Variants in PRKG1 observed in about 807,000 individuals in gnomAD.
PRKG1 encodes the protein cGMP-dependent protein kinase 1.
Under a neutral mutation model 88.1 loss-of-function variants are expected in PRKG1, and 35 were observed. The ratio of observed to expected loss-of-function variants is 0.40; its 90% CI spans 0.30 to 0.53. The LOEUF (loss-of-function observed/expected upper bound fraction) is 0.53. Among genes scored for constraint, PRKG1 ranks in the 20% least tolerant of loss-of-function variants. The pLI is 0.59. For synonymous variants in PRKG1, 303 were observed against 292.5 expected, an observed-to-expected ratio of 1.04 and a Z score of -0.37; for missense variants, 540 against 839.8, an observed-to-expected ratio of 0.64 and a Z score of 4.41.
intron 5 of PRKG1, among the ~76,000 whole-genome samples, chr10:51,933,127 C>G (rs1000200892): frequency 5.3e-5 from 8 of 152,060 alleles, no homozygotes; most frequent in Non-Finnish European, 1.0e-4. Flanking sequence ...GCGGACTATA[C>G]TGTGTTTCCT....
At chr10:51,227,875 G>A (rs1480831387) in intron 2 of PRKG1, among the ~76,000 whole-genome samples, 2 of 152,116 alleles carry the variant, frequency 1.3e-5, no homozygotes, top group African/African-American at 2.4e-5. Context: ...ATCAAGTAAG[G>A]GCCTTGAGTG....
intron 3 of PRKG1, among the ~76,000 whole-genome samples, chr10:51,733,710 C>G (rs562630064): frequency 1.3e-5 from 2 of 152,216 alleles, no homozygotes; most frequent in African/African-American, 4.8e-5. Flanking sequence ...CAATACTGAG[C>G]TCGGCCATAA....
At chr10:51,346,706 T>C (rs1842121088) in intron 2 of PRKG1, among the ~76,000 whole-genome samples, 1 of 152,240 alleles carries the variant, frequency 6.6e-6, no homozygotes, top group South Asian at 2.1e-4. Flanking sequence ...GACATTTCCT[T>C]CATGAGTATA....
At chr10:51,593,969 C>A (rs1838377136) in intron 3 of PRKG1, among the ~76,000 whole-genome samples, 1 of 152,032 alleles carries the variant, frequency 6.6e-6, no homozygotes, top group Non-Finnish European at 1.5e-5. Flanking sequence ...AGGTAATCTA[C>A]CCGCCCTTGG....
intron 1 of PRKG1, among the ~76,000 whole-genome samples, chr10:51,032,556 C>T (rs181913965): frequency 7.9e-5 from 12 of 152,152 alleles, no homozygotes; most frequent in African/African-American, 2.6e-4. Flanking sequence ...GTCAGGAGTT[C>T]GAGACCATCC....
At chr10:51,586,516 A>T (rs1481225323) in intron 3 of PRKG1, among the ~76,000 whole-genome samples, 1 of 152,136 alleles carries the variant, frequency 6.6e-6, no homozygotes, top group Admixed American at 6.6e-5. Flanking sequence ...TCCTGCAATG[A>T]TAGAATTTCC....
chr10:51,424,204 A>G (rs1393875900), intron 2 of PRKG1, among the ~76,000 whole-genome samples: 1 of 152,140 alleles, frequency 6.6e-6, no homozygotes, highest in African/African-American at 2.4e-5. Context: ...TCACATAGCT[A>G]TCTTTAAACC....
chr10:51,964,673 G>A (rs1322890047), intron 5 of PRKG1, among the ~76,000 whole-genome samples: 1 of 152,010 alleles, frequency 6.6e-6, no homozygotes, highest in African/African-American at 2.4e-5. Flanking sequence ...AATTTTATAG[G>A]TACACACACG....
At chr10:52,125,630 A>G (rs563653533) in intron 7 of PRKG1, 1 of 152,252 alleles carries the variant, frequency 6.6e-6, no homozygotes, top group Non-Finnish European at 1.5e-5. Flanking sequence ...TGCCTTTCCT[A>G]TCTTAACTAA....
chr10:51,848,826 C>A (rs1280849386), intron 4 of PRKG1, among the ~76,000 whole-genome samples: 4 of 150,910 alleles, frequency 2.7e-5, no homozygotes, highest in Non-Finnish European at 5.9e-5. Context: ...TTTCCTTAAG[C>A]AAAGAGTCTA....
intron 2 of PRKG1, among the ~76,000 whole-genome samples, chr10:51,433,512 A>T (rs1838831302): frequency 1.3e-5 from 2 of 152,112 alleles, no homozygotes; most frequent in Admixed American, 1.3e-4. Flanking sequence ...AAATAAAACC[A>T]CATGAAAGGA....
intron 4 of PRKG1, among the ~76,000 whole-genome samples, chr10:51,812,154 C>T (rs1394275515): frequency 6.6e-6 from 1 of 152,150 alleles, no homozygotes. Flanking sequence ...ACAATCAACA[C>T]ATTTTTGCCA....
chr10:51,823,830 G>T (rs866033309), intron 4 of PRKG1, among the ~76,000 whole-genome samples: 25 of 128,396 alleles, frequency 1.9e-4, no homozygotes, highest in Middle Eastern at 9.6e-3. Context: ...CAGATAAATT[G>T]TTGGTAATAT....
intron 3 of PRKG1, among the ~76,000 whole-genome samples, chr10:51,599,156 G>A (rs7906730): frequency 0.072 from 10,894 of 152,182 alleles, 1,280 homozygotes; most frequent in African/African-American, 0.25. Flanking sequence ...GATGAAACAA[G>A]AGTGTCAACC....
intron 2 of PRKG1, among the ~76,000 whole-genome samples, chr10:51,433,016 T>C (rs1047044904): frequency 6.6e-6 from 1 of 152,122 alleles, no homozygotes; most frequent in Admixed American, 6.6e-5. Context: ...GGACATTTTC[T>C]AAAAATAAAA....
intron 3 of PRKG1, among the ~76,000 whole-genome samples, chr10:51,743,078 A>G (rs1176690878): frequency 2.0e-5 from 3 of 152,128 alleles, no homozygotes; most frequent in African/African-American, 7.2e-5. Context: ...GAAAGGAAGG[A>G]TACACAGAGA....
chr10:52,051,593 CCATT>C (rs1237817161), intron 5 of PRKG1, among the ~76,000 whole-genome samples: 1 of 152,202 alleles, frequency 6.6e-6, no homozygotes, highest in Non-Finnish European at 1.5e-5. Context: ...CAAAACATTA[CCATT>C]ATTACTAATA....
At chr10:51,682,637 A>T (rs1840880241) in intron 3 of PRKG1, among the ~76,000 whole-genome samples, 1 of 152,196 alleles carries the variant, frequency 6.6e-6, no homozygotes. Context: ...AGAACTTATT[A>T]TATGTAAGCA....
At chr10:51,757,047 CATTTT>C (rs1435999431) in intron 3 of PRKG1, among the ~76,000 whole-genome samples, 4 of 151,036 alleles carry the variant, frequency 2.6e-5, no homozygotes, top group East Asian at 2.0e-4. Context: ...TGGCCTACTT[CATTTT>C]ATTTTATTTT....
Sources: gnomAD v4.1 joint callset for allele counts (sites outside exome capture counted in the v4.1 genomes callset) on GRCh38, gnomAD v4.1.1 for gene constraint, MANE v1.5 for transcripts, NCBI Gene and HGNC (gene_info 2026-07-23, HGNC 2026-07-21) for gene names.